ZIM2: variants seen among roughly 807,000 people sequenced by gnomAD.
ZIM2 encodes the protein zinc finger imprinted 2.
Under a neutral mutation model 38.6 loss-of-function variants are expected in ZIM2, and 14 were observed. The observed-to-expected ratio is 0.36, with a 90% CI of 0.24 to 0.57. The LOEUF (loss-of-function observed/expected upper bound fraction) is 0.57, where lower values mean the gene tolerates loss of function less well. Ranked by LOEUF, ZIM2 falls within the 20% of genes least tolerant of loss-of-function variation. The probability of loss-of-function intolerance (pLI) is 0.81; values close to 1 mark genes in which losing one functional copy is unlikely to be tolerated. For missense variants in ZIM2, 680 were observed against 695.1 expected (o/e 0.98, Z 0.24); for synonymous variants, 247 against 245.8 (o/e 1.00, Z -0.04).
rs189549324 is a variant in ZIM2 at position 56,831,839 on chromosome 19, T to C, written c.-227+4179A>G. Among the ~76,000 whole-genome samples, 8 of 152,362 alleles carry C rather than the reference T, an allele frequency of 5.3e-5. No homozygotes were observed. The East Asian group carries it at 1.2e-3, about 22-fold the overall frequency. On this transcript the variant is annotated intron_variant, in intron 2 of 12. Transcript: ENST00000629319. Reference sequence around the variant, plus strand: ...TAATAAATCTTAAAATCTATACTTATGTTGTTCTTACTGCAAATATTCCCA... The same window carrying C: ...TAATAAATCTTAAAATCTATACTTACGTTGTTCTTACTGCAAATATTCCCA...
At chr19:56,823,311 A>C (rs1175845309) in intron 5 of ZIM2, among the ~76,000 whole-genome samples, 1 of 152,252 alleles carries the variant, frequency 6.6e-6, no homozygotes, top group Admixed American at 6.5e-5. Flanking sequence ...CTTCCTGAGG[A>C]GGCTGGGGGT....
chr19:56,778,646 C>T (rs1390626962), intron 12 of ZIM2, among the ~76,000 whole-genome samples: 3 of 152,138 alleles, frequency 2.0e-5, no homozygotes, highest in Admixed American at 6.5e-5. Context: ...ACTAGGTCTT[C>T]GATGACTTCA....
At chr19:56,788,767 G>A (rs181517164) in intron 10 of ZIM2, among the ~76,000 whole-genome samples, 7 of 152,084 alleles carry the variant, frequency 4.6e-5, no homozygotes, top group African/African-American at 1.2e-4. Flanking sequence ...TATTCTCCCC[G>A]TCACTTTCAG....
rs572286660 is a variant in ZIM2, at chr19:56,797,074, G to A, written c.491-7123C>T. Reference sequence around the variant, plus strand: ...CACCTGTAATCCCAGCACTTTGGGAGGCTGAGGCAGGCAGATGACCTGAGG... The same window carrying A: ...CACCTGTAATCCCAGCACTTTGGGAAGCTGAGGCAGGCAGATGACCTGAGG... On this transcript the variant is annotated intron_variant, in intron 9 of 12. Transcript: ENST00000629319. Among the ~76,000 whole-genome samples the A allele has an allele frequency of 5.3e-5, 8 of 152,210 alleles. No individual in the cohort carries two copies. In the South Asian group the frequency reaches 1.7e-3, roughly 32 times the overall value.
rs79209776 is a variant in ZIM2 at position 56,834,625 on chromosome 19, G to A, written c.-227+1393C>T. On this transcript the variant is annotated intron_variant, in intron 2 of 12. Transcript: ENST00000629319. ...AAGTCTCCTGAGCTTAGTTAAATGTGGATCTACCAACATGAGCCCTCGGGC... is the reference window on the plus strand; with the variant it reads ...AAGTCTCCTGAGCTTAGTTAAATGTAGATCTACCAACATGAGCCCTCGGGC... Among the ~76,000 whole-genome samples, 247 of 152,232 alleles carry A rather than the reference G, an allele frequency of 1.6e-3. 5 individuals are homozygous for A. In the East Asian group the frequency reaches 0.04, roughly 25 times the overall value.
rs1373584900 is a variant in ZIM2, at chr19:56,821,725, C to A, written c.220G>T (p.Val74Leu). 6.2e-7 allele frequency: 1 copy of A among 1,613,982 alleles called. No homozygotes were observed. Residue 74 changes from valine (V) to leucine (L), a missense_variant, in exon 7 of 13, where the codon GTG (valine) becomes TTG (leucine). Coordinates refer to ENST00000629319, the MANE Select transcript of ZIM2 (RefSeq NM_001387356.1). ...RMPPRDLSLP[V>L]VAKTSFEMDR... ...ATTTCAAAGCTTGTTTTCGCCACCACAGGAAGGGAAAGATCCCGCGGAGGC... is the reference window on the plus strand; with the variant it reads ...ATTTCAAAGCTTGTTTTCGCCACCAAAGGAAGGGAAAGATCCCGCGGAGGC...
chr19:56,792,530 CAAAAA>C (rs1215431208), intron 9 of ZIM2, among the ~76,000 whole-genome samples: 66 of 20,950 alleles, frequency 3.2e-3, no homozygotes, highest in African/African-American at 8.2e-3. Flanking sequence ...GACTCTGTCT[CAAAAA>C]AAAAAAAAAA....
intron 9 of ZIM2, 136 bp downstream of exon 9, chr19:56,817,610 C>T (rs1159547430): frequency 2.6e-6 from 4 of 1,562,228 alleles, no homozygotes; most frequent in Non-Finnish European, 3.5e-6. Context: ...TAAATACTCC[C>T]TAGTCCCCAT....
intron 9 of ZIM2, among the ~76,000 whole-genome samples, chr19:56,807,528 G>A (rs139279701): frequency 6.6e-6 from 1 of 152,294 alleles, no homozygotes; most frequent in Non-Finnish European, 1.5e-5. Flanking sequence ...ACATGTCTAG[G>A]CCAGGCACAG....
At chr19:56,817,580 C>A in intron 9 of ZIM2, 166 bp downstream of exon 9, 1 of 1,581,702 alleles carries the variant, frequency 6.3e-7, no homozygotes, top group South Asian at 1.2e-5. Context: ...GTTTTTAGAC[C>A]TGGAAAGAAA....
At chr19:56,829,431 G>C (rs2061374950) in intron 2 of ZIM2, among the ~76,000 whole-genome samples, 1 of 151,882 alleles carries the variant, frequency 6.6e-6, no homozygotes, top group Admixed American at 6.6e-5. Context: ...GTAAAACCTT[G>C]AACACAAAAT....
rs1421142790 is a variant in ZIM2, at chr19:56,814,261, G to C, written c.490+3485C>G. ...GGCAGCCTCCACTTCTGGCTCAGCA[G>C]CCTCTACGTTTAAGCCCTGAATCCT... On this transcript the variant is annotated intron_variant, in intron 9 of 12. Transcript: ENST00000629319. This position sits in a 1 kb window ranked among gnomAD's most constrained non-coding sequence, Gnocchi z 5.8. 1.2e-6 allele frequency: 2 copies of C among 1,613,614 alleles called. No homozygotes were observed. The highest frequency in any genetic ancestry group is 1.7e-6 in the Non-Finnish European group (2 of 1,180,050).
intron 9 of ZIM2, chr19:56,815,903 G>C: frequency 6.2e-7 from 1 of 1,612,258 alleles, no homozygotes; most frequent in Admixed American, 1.7e-5. Context: ...TTTCCATTGT[G>C]ACTTCTTGGA....
chr19:56,826,671 C>T (rs2061068419), intron 2 of ZIM2, among the ~76,000 whole-genome samples: 1 of 152,090 alleles, frequency 6.6e-6, no homozygotes, highest in Non-Finnish European at 1.5e-5. Context: ...CTTTATGAAA[C>T]CAGAACAAGT....
intron 10 of ZIM2, among the ~76,000 whole-genome samples, chr19:56,786,454 A>C (rs1326308926): frequency 6.6e-6 from 1 of 152,204 alleles, no homozygotes; most frequent in Non-Finnish European, 1.5e-5. Flanking sequence ...TCATTTGTAT[A>C]ATCTTGTACA....
At chr19:56,806,763 C>A (rs1320349341) in intron 9 of ZIM2, among the ~76,000 whole-genome samples, 1 of 152,016 alleles carries the variant, frequency 6.6e-6, no homozygotes, top group Non-Finnish European at 1.5e-5. Flanking sequence ...AGGGCTAAGC[C>A]CTCATGAATG....
At position 56,774,872 on chromosome 19, in the gene ZIM2, T is replaced by A. The variant is rs1423887963; in HGVS notation, c.1493A>T (p.Gln498Leu). ...KHDYVGERAC[Q>L]CCDCGRVFSR... ...GAAGACTCTGCCACAGTCACAACAC[T>A]GGCAGGCTCTCTCTCCAACGTAGTC... Residue 498 changes from glutamine (Q) to leucine (L), a missense_variant, in exon 13 of 13, where the codon CAG becomes CTG. Transcript: ENST00000629319. 6.2e-7 allele frequency: 1 copy of A among 1,614,190 alleles called. No homozygotes were observed. The highest frequency in any genetic ancestry group is 8.5e-7 in the Non-Finnish European group (1 of 1,180,028).
intron 10 of ZIM2, among the ~76,000 whole-genome samples, chr19:56,787,818 AG>A (rs2046698168): frequency 7.0e-6 from 1 of 143,086 alleles, no homozygotes; most frequent in African/African-American, 2.6e-5. Context: ...TAGTCTTGGG[AG>A]GGTGTATGTG....
intron 7 of ZIM2, among the ~76,000 whole-genome samples, chr19:56,819,989 C>A (rs945516195): frequency 2.6e-5 from 4 of 152,130 alleles, no homozygotes; most frequent in Non-Finnish European, 5.9e-5. Flanking sequence ...CTAAGTAGGG[C>A]AAGGAAACAC....
Sources: allele counts gnomAD v4.1 joint callset (sites outside exome capture counted in the v4.1 genomes callset), GRCh38; gene constraint gnomAD v4.1.1; non-coding constraint Gnocchi (gnomAD v3.1); transcripts MANE v1.5; gene names NCBI Gene and HGNC (gene_info 2026-07-23, HGNC 2026-07-21).